Variants in LRRC4C observed in about 807,000 individuals in gnomAD.
LRRC4C encodes leucine rich repeat containing 4C.
In LRRC4C, 5 loss-of-function variants were observed where a neutral mutation model predicts 33.6. The observed-to-expected ratio is 0.15, with a 90% CI of 0.08 to 0.31. The LOEUF is 0.31. Among genes scored for constraint, LRRC4C ranks in the 10% least tolerant of loss-of-function variants. The probability of loss-of-function intolerance (pLI) is 1.00; values close to 1 mark genes in which losing one functional copy is unlikely to be tolerated. For missense variants in LRRC4C, 560 were observed against 796.7 expected (o/e 0.70, Z 3.58); for synonymous variants, 329 against 302.0 (o/e 1.09, Z -0.93).
At chr11:40,211,116 C>T (rs186005843) in intron 5 of LRRC4C, among the ~76,000 whole-genome samples, 25 of 152,318 alleles carry the variant, frequency 1.6e-4, no homozygotes, top group African/African-American at 5.3e-4. Context: ...ACTCAAGTAC[C>T]TTGCAATACA....
At chr11:41,151,628 G>T (rs1944003550) in intron 1 of LRRC4C, among the ~76,000 whole-genome samples, 1 of 152,152 alleles carries the variant, frequency 6.6e-6, no homozygotes, top group Admixed American at 6.5e-5. Context: ...TCATAGACAT[G>T]AAGTGAAGAA....
intron 1 of LRRC4C, among the ~76,000 whole-genome samples, chr11:41,036,831 C>A (rs1253301025): frequency 6.6e-6 from 1 of 152,136 alleles, no homozygotes; most frequent in Admixed American, 6.5e-5. Flanking sequence ...TGACTAGATA[C>A]ACAATTAGAT....
intron 3 of LRRC4C, among the ~76,000 whole-genome samples, chr11:40,346,111 T>G (rs1947117362): frequency 6.6e-6 from 1 of 152,104 alleles, no homozygotes; most frequent in South Asian, 2.1e-4. Flanking sequence ...GGAGTGTAAA[T>G]TAGTTCAACC....
At chr11:41,094,323 A>G (rs1940656906) in intron 1 of LRRC4C, among the ~76,000 whole-genome samples, 1 of 152,060 alleles carries the variant, frequency 6.6e-6, no homozygotes, top group African/African-American at 2.4e-5. Flanking sequence ...CAGGAGATAC[A>G]GACCATCCTG....
intron 3 of LRRC4C, among the ~76,000 whole-genome samples, chr11:40,589,315 TTTTCCATTTGC>T (rs946640241): frequency 6.6e-6 from 1 of 152,076 alleles, no homozygotes; most frequent in African/African-American, 2.4e-5. Context: ...CCTTTTTTTG[TTTTCCATTTGC>T]TTGGTAGATC....
At chr11:40,703,548 G>A (rs1199514859) in intron 2 of LRRC4C, among the ~76,000 whole-genome samples, 1 of 152,094 alleles carries the variant, frequency 6.6e-6, no homozygotes, top group East Asian at 1.9e-4. Context: ...GTGACAGAGT[G>A]AGACCCTATC....
At chr11:41,065,418 C>A (rs1258878329) in intron 1 of LRRC4C, among the ~76,000 whole-genome samples, 2 of 152,184 alleles carry the variant, frequency 1.3e-5, no homozygotes, top group African/African-American at 2.4e-5. Context: ...ACAGAAAGAA[C>A]TCTCAACTCC....
At chr11:41,081,860 T>A (rs184907528) in intron 1 of LRRC4C, among the ~76,000 whole-genome samples, 19 of 152,304 alleles carry the variant, frequency 1.2e-4, no homozygotes, top group African/African-American at 4.1e-4. Flanking sequence ...AACTACTAGC[T>A]ACTGCTCTGT....
chr11:40,609,601 A>C (rs1277136743), intron 3 of LRRC4C, among the ~76,000 whole-genome samples: 1 of 151,998 alleles, frequency 6.6e-6, no homozygotes, highest in Non-Finnish European at 1.5e-5. Context: ...ATAGAAAAAA[A>C]CCAACAAAAA....
At chr11:41,033,268 C>A (rs1237961385) in intron 1 of LRRC4C, among the ~76,000 whole-genome samples, 1 of 152,000 alleles carries the variant, frequency 6.6e-6, no homozygotes. Flanking sequence ...AAAGAAGTCA[C>A]AAGCATGAAG....
chr11:40,538,284 TC>T (rs1385662952), intron 3 of LRRC4C, among the ~76,000 whole-genome samples: 3 of 151,752 alleles, frequency 2.0e-5, no homozygotes, highest in African/African-American at 7.2e-5. Flanking sequence ...CCCTCCCCCT[TC>T]CCCCCAACCC....
intron 3 of LRRC4C, among the ~76,000 whole-genome samples, chr11:40,485,653 G>A (rs1953821313): frequency 6.6e-6 from 1 of 152,002 alleles, no homozygotes; most frequent in African/African-American, 2.4e-5. Context: ...TCCCATTAAT[G>A]GGTATATACC....
At chr11:41,433,373 A>G (rs987719541) in intron 1 of LRRC4C, among the ~76,000 whole-genome samples, 1 of 149,624 alleles carries the variant, frequency 6.7e-6, no homozygotes, top group African/African-American at 2.6e-5. Context: ...AGTGATCCTG[A>G]AAGAAGAAAT....
chr11:41,344,093 T>C (rs944032340), intron 1 of LRRC4C, among the ~76,000 whole-genome samples: 2 of 152,144 alleles, frequency 1.3e-5, no homozygotes. Context: ...TGTCGTTCAC[T>C]TGCACACCAA....
chr11:40,244,018 C>A (rs889715719), intron 4 of LRRC4C, among the ~76,000 whole-genome samples: 1 of 151,926 alleles, frequency 6.6e-6, no homozygotes, highest in Admixed American at 6.6e-5. Flanking sequence ...TATCTATTAA[C>A]CAATCATCAC....
At chr11:40,466,074 T>C (rs1454844335) in intron 3 of LRRC4C, among the ~76,000 whole-genome samples, 1 of 152,016 alleles carries the variant, frequency 6.6e-6, no homozygotes, top group African/African-American at 2.4e-5. Flanking sequence ...CACCATATAA[T>C]ATTAGCCATA....
intron 3 of LRRC4C, among the ~76,000 whole-genome samples, chr11:40,644,029 C>A (rs1243345302): frequency 2.6e-5 from 4 of 152,024 alleles, no homozygotes; most frequent in Non-Finnish European, 5.9e-5. Flanking sequence ...TCAAGGAGAG[C>A]AAATGGACAC....
At chr11:40,351,779 C>T in intron 3 of LRRC4C, 1 of 151,916 alleles carries the variant, frequency 6.6e-6, no homozygotes, top group East Asian at 1.9e-4. Context: ...TATATAATGA[C>T]CTTGTTTATC....
At chr11:40,357,909 G>A (rs1249398985) in intron 3 of LRRC4C, among the ~76,000 whole-genome samples, 1 of 152,140 alleles carries the variant, frequency 6.6e-6, no homozygotes, top group Non-Finnish European at 1.5e-5. Flanking sequence ...AAGTGGCCAG[G>A]CACAGTGGCT....
Sources: gnomAD v4.1 joint callset for allele counts (sites outside exome capture counted in the v4.1 genomes callset) on GRCh38, gnomAD v4.1.1 for gene constraint, MANE v1.5 for transcripts, NCBI Gene and HGNC (gene_info 2026-07-23, HGNC 2026-07-21) for gene names.